The following PLAAT3 variants were observed in gnomAD, a reference collection of about 807,000 sequenced individuals.
PLAAT3 encodes the protein Ca-independent phospholipase A1/2.
PLAAT3 carries 21 observed loss-of-function variants against 16.7 expected under a neutral mutation model. The ratio of observed to expected loss-of-function variants is 1.26; its 90% confidence interval spans 0.89 to 1.81. PLAAT3 has a LOEUF of 1.81. Ranked by LOEUF, PLAAT3 falls within the 40% of genes most tolerant of loss-of-function variation. The probability of loss-of-function intolerance (pLI) is 0.00; values close to 1 mark genes in which losing one functional copy is unlikely to be tolerated. For missense variants in PLAAT3, 219 were observed against 213.7 expected (o/e 1.02, Z -0.16); for synonymous variants, 76 against 81.7 (o/e 0.93, Z 0.38).
chr11:63,603,980 T>C (rs1938496633), intron 2 of PLAAT3, among the ~76,000 whole-genome samples: 1 of 152,090 alleles, frequency 6.6e-6, no homozygotes, highest in Admixed American at 6.6e-5. Context: ...GGCAAAACCC[T>C]GTCTGTACTG....
intron 2 of PLAAT3, among the ~76,000 whole-genome samples, chr11:63,598,376 A>C (rs1171880576): frequency 6.6e-6 from 1 of 152,192 alleles, no homozygotes; most frequent in Non-Finnish European, 1.5e-5. Flanking sequence ...CTGTCAATAC[A>C]AATTGCCAAG....
intron 4 of PLAAT3, among the ~76,000 whole-genome samples, chr11:63,581,835 C>G (rs1260018791): frequency 6.6e-6 from 1 of 152,282 alleles, no homozygotes; most frequent in East Asian, 1.9e-4. Flanking sequence ...GCCTGGCCAA[C>G]ACTTACGGAA....
upstream of PLAAT3, among the ~76,000 whole-genome samples, chr11:63,615,096 A>G (rs188481457): frequency 1.7e-5 from 2 of 119,320 alleles, 1 homozygote; most frequent in Non-Finnish European, 3.6e-5. Flanking sequence ...ATGTGTATAT[A>G]TGTGTATATA....
intron 2 of PLAAT3, among the ~76,000 whole-genome samples, chr11:63,607,679 A>G (rs1938601014): frequency 6.6e-6 from 1 of 151,814 alleles, no homozygotes; most frequent in African/African-American, 2.4e-5. Context: ...TCCAAATCCT[A>G]CACACCGTGC....
upstream of PLAAT3, among the ~76,000 whole-genome samples, chr11:63,615,140 G>GTGTGTATATGTGTA (rs1555047889): frequency 1.1e-3 from 70 of 62,460 alleles, 22 homozygotes; most frequent in East Asian, 0.012. Flanking sequence ...ATGTATATGT[G>GTGTGTATATGTGTA]TATATGTGTG....
chr11:63,584,659 C>G (rs1265729869), intron 4 of PLAAT3, among the ~76,000 whole-genome samples: 1 of 151,774 alleles, frequency 6.6e-6, no homozygotes, highest in Non-Finnish European at 1.5e-5. Context: ...GACTACAGGC[C>G]ACCACGCCCA....
intron 3 of PLAAT3, among the ~76,000 whole-genome samples, chr11:63,595,612 T>C (rs1370137720): frequency 6.6e-6 from 1 of 151,976 alleles, no homozygotes; most frequent in African/African-American, 2.4e-5. Context: ...TGGGGAGGCA[T>C]ATTGTAGAAG....
At chr11:63,612,998 C>T (rs1467021426) in intron 2 of PLAAT3, among the ~76,000 whole-genome samples, 1 of 152,206 alleles carries the variant, frequency 6.6e-6, no homozygotes, top group Non-Finnish European at 1.5e-5. Flanking sequence ...CAGATACACC[C>T]TGACACCAGG....
Position 63,574,922 on chromosome 11 carries a change from G to T in PLAAT3, c.*23C>A. The T allele has an allele frequency of 7.0e-7, 1 of 1,421,310 alleles. No homozygotes were observed. Among genetic ancestry groups the T allele is most frequent in the Non-Finnish European group, 1.0e-6 (1 of 1,003,692 alleles). The allele number at this position is 1,421,310 out of a possible 1,614,324, so 88.0% of individuals were successfully genotyped here. A position where few individuals can be genotyped will look rare whatever the true frequency, so the allele number is the denominator to read the frequency against. On this transcript the variant is annotated 3_prime_UTR_variant, in exon 5 of 5. Coordinates refer to ENST00000415826, the MANE Select transcript of PLAAT3 (RefSeq NM_001128203.2). Reference sequence around the variant, plus strand: ...GACCCCCTTGATGTATAAAGTCATCGCTGACAGGACAGTCTTTTTCAGTTA... The same window carrying T: ...GACCCCCTTGATGTATAAAGTCATCTCTGACAGGACAGTCTTTTTCAGTTA...
At chr11:63,583,398 T>G (rs1331031573) in intron 4 of PLAAT3, among the ~76,000 whole-genome samples, 2 of 152,220 alleles carry the variant, frequency 1.3e-5, no homozygotes, top group Admixed American at 6.5e-5. Flanking sequence ...ATGTCCCTAG[T>G]TCTTTATAGA....
intron 2 of PLAAT3, among the ~76,000 whole-genome samples, chr11:63,609,240 T>C (rs1454574825): frequency 6.6e-6 from 1 of 152,168 alleles, no homozygotes; most frequent in Non-Finnish European, 1.5e-5. Flanking sequence ...CTGTGATAAA[T>C]GGAAAGGCTA....
rs1938101709 is a variant in PLAAT3 at position 63,589,995 on chromosome 11, T to C, written c.387+105A>G. On this transcript the variant is annotated intron_variant, in intron 4 of 4. Transcript: ENST00000415826. ...GACATCCTCAAGGGCAGTAATTCTG[T>C]CTCTGCTATTTTGTCTTGTTCATGC... 4.7e-6 allele frequency: 5 copies of C among 1,058,652 alleles called. No homozygotes were observed. In the Admixed American group the frequency reaches 1.0e-4, roughly 21 times the overall value. 65.6% of individuals were successfully genotyped at this position (1,058,652 alleles called of 1,614,324 possible).
intron 4 of PLAAT3, among the ~76,000 whole-genome samples, chr11:63,585,519 C>A (rs959980905): frequency 6.6e-6 from 1 of 152,046 alleles, no homozygotes; most frequent in South Asian, 2.1e-4. Context: ...TCCTACAGTG[C>A]ACAGGACAGG....
At chr11:63,605,047 C>T (rs1372010139) in intron 2 of PLAAT3, among the ~76,000 whole-genome samples, 1 of 152,118 alleles carries the variant, frequency 6.6e-6, no homozygotes, top group Admixed American at 6.6e-5. Context: ...CAATGAGTAT[C>T]TTTTAAGTTT....
At chr11:63,581,384 G>A (rs1937811351) in intron 4 of PLAAT3, among the ~76,000 whole-genome samples, 1 of 152,170 alleles carries the variant, frequency 6.6e-6, no homozygotes, top group Non-Finnish European at 1.5e-5. Flanking sequence ...CTGGGGGTAG[G>A]TCTATAGACG....
intron 2 of PLAAT3, among the ~76,000 whole-genome samples, chr11:63,601,722 T>C (rs1938435566): frequency 6.6e-6 from 1 of 152,158 alleles, no homozygotes; most frequent in Non-Finnish European, 1.5e-5. Context: ...ACGCCTGTAA[T>C]CCCAACACTT....
intron 4 of PLAAT3, among the ~76,000 whole-genome samples, chr11:63,576,854 A>C (rs2017669351): frequency 6.6e-6 from 1 of 152,238 alleles, no homozygotes; most frequent in Non-Finnish European, 1.5e-5. Context: ...GAAAAACCAA[A>C]GTGATAAAAT....
chr11:63,611,252 A>G (rs1479188806), intron 2 of PLAAT3, among the ~76,000 whole-genome samples: 1 of 152,152 alleles, frequency 6.6e-6, no homozygotes, highest in African/African-American at 2.4e-5. Flanking sequence ...AATTACAGAC[A>G]TGAACCACAC....
At chr11:63,614,445 T>G, upstream of PLAAT3, 1 of 165,280 alleles carries the variant, frequency 6.1e-6, no homozygotes. Flanking sequence ...ATGGCCGCGG[T>G]GGCCGGGCCG....
Sources: allele counts gnomAD v4.1 joint callset (sites outside exome capture counted in the v4.1 genomes callset), GRCh38; gene constraint gnomAD v4.1.1; transcripts MANE v1.5; gene names NCBI Gene and HGNC (gene_info 2026-07-23, HGNC 2026-07-21).